Variants in DYNC1I1 observed in about 807,000 individuals in gnomAD.
The protein encoded by DYNC1I1 is cytoplasmic dynein 1 intermediate chain 1.
DYNC1I1 carries 43 observed loss-of-function variants against 86.6 expected under a neutral mutation model. The ratio of observed to expected loss-of-function variants is 0.50; its 90% CI spans 0.39 to 0.64. The LOEUF is 0.64. Ranked by LOEUF, DYNC1I1 falls within the 30% of genes least tolerant of loss-of-function variation. The probability of loss-of-function intolerance (pLI) is 0.00; values close to 1 mark genes in which losing one functional copy is unlikely to be tolerated. For synonymous variants in DYNC1I1, 262 were observed against 283.7 expected, an observed-to-expected ratio of 0.92 and a Z score of 0.77; for missense variants, 604 against 788.8, an observed-to-expected ratio of 0.77 and a Z score of 2.81.
chr7:96,012,240 G>T (rs1794293185), intron 10 of DYNC1I1, among the ~76,000 whole-genome samples: 1 of 152,142 alleles, frequency 6.6e-6, no homozygotes, highest in Non-Finnish European at 1.5e-5. Flanking sequence ...TTATTTTGAA[G>T]GAAGAGGGTA....
intron 5 of DYNC1I1, among the ~76,000 whole-genome samples, chr7:95,858,788 T>C (rs1789795015): frequency 6.6e-6 from 1 of 151,322 alleles, no homozygotes. Context: ...TTATCTTTTT[T>C]ACTCCTTCTT....
At chr7:95,931,650 G>A (rs1374161770) in intron 6 of DYNC1I1, among the ~76,000 whole-genome samples, 1 of 152,076 alleles carries the variant, frequency 6.6e-6, no homozygotes, top group Non-Finnish European at 1.5e-5. Context: ...ATAAAGTTTT[G>A]TTGAAACACA....
intron 6 of DYNC1I1, among the ~76,000 whole-genome samples, chr7:95,965,837 G>A (rs1792997888): frequency 6.6e-6 from 1 of 152,164 alleles, no homozygotes; most frequent in Non-Finnish European, 1.5e-5. Context: ...AAGAAAGTTT[G>A]TTGGCTTTTA....
intron 14 of DYNC1I1, among the ~76,000 whole-genome samples, chr7:96,043,680 A>G (rs966106466): frequency 1.3e-5 from 2 of 152,100 alleles, no homozygotes; most frequent in Admixed American, 6.6e-5. Flanking sequence ...TACTAACTGT[A>G]TATTTGATGA....
chr7:96,012,785 G>T (rs1794307089), intron 10 of DYNC1I1, among the ~76,000 whole-genome samples: 1 of 152,118 alleles, frequency 6.6e-6, no homozygotes, highest in African/African-American at 2.4e-5. Flanking sequence ...TAGAATAATG[G>T]CCACCCAAAG....
intron 6 of DYNC1I1, among the ~76,000 whole-genome samples, chr7:95,910,999 G>C (rs1584151608): frequency 6.6e-6 from 1 of 152,264 alleles, no homozygotes; most frequent in Non-Finnish European, 1.5e-5. Flanking sequence ...AGGTGAGAAA[G>C]GATAGCATGG....
intron 4 of DYNC1I1, among the ~76,000 whole-genome samples, chr7:95,816,073 A>G (rs1192885041): frequency 6.6e-6 from 1 of 151,620 alleles, no homozygotes; most frequent in Non-Finnish European, 1.5e-5. Flanking sequence ...GCTGGAGTAC[A>G]GTGGTGCAAT....
intron 6 of DYNC1I1, among the ~76,000 whole-genome samples, chr7:95,954,084 G>GT (rs1428608030): frequency 1.3e-5 from 2 of 152,058 alleles, no homozygotes; most frequent in African/African-American, 4.8e-5. Flanking sequence ...CAAGGCAGCA[G>GT]TAGGGCCGGG....
chr7:95,993,168 A>G (rs757707323), intron 9 of DYNC1I1, among the ~76,000 whole-genome samples: 2 of 152,216 alleles, frequency 1.3e-5, no homozygotes, highest in Non-Finnish European at 2.9e-5. Flanking sequence ...CAAACAGTGG[A>G]AAAAGACATA....
intron 6 of DYNC1I1, among the ~76,000 whole-genome samples, chr7:95,920,377 A>G (rs1286284669): frequency 6.6e-6 from 1 of 152,208 alleles, no homozygotes; most frequent in Non-Finnish European, 1.5e-5. Context: ...AGGAATGTCT[A>G]GTGGCACCTA....
chr7:95,875,057 G>T (rs952931924), intron 6 of DYNC1I1, among the ~76,000 whole-genome samples: 2 of 152,186 alleles, frequency 1.3e-5, no homozygotes, highest in Admixed American at 6.5e-5. Flanking sequence ...TTCCCTCAAG[G>T]GAGTCCATTA....
intron 6 of DYNC1I1, among the ~76,000 whole-genome samples, chr7:95,958,021 G>A (rs1367585918): frequency 1.3e-5 from 2 of 152,128 alleles, no homozygotes; most frequent in South Asian, 4.1e-4. Context: ...GGTATTTTGG[G>A]CTGGTTAAGC....
chr7:95,992,039 T>C (rs554094998), intron 9 of DYNC1I1, among the ~76,000 whole-genome samples: 1 of 152,078 alleles, frequency 6.6e-6, no homozygotes, highest in Non-Finnish European at 1.5e-5. Flanking sequence ...TTTGTATTTT[T>C]AGTAGAGACG....
intron 5 of DYNC1I1, among the ~76,000 whole-genome samples, chr7:95,853,859 G>A: frequency 6.6e-6 from 1 of 152,102 alleles, no homozygotes; most frequent in East Asian, 1.9e-4. Context: ...AAATGTTATG[G>A]ATATAACAAC....
chr7:95,871,324 TATTA>T (rs1163244727), intron 6 of DYNC1I1, among the ~76,000 whole-genome samples: 2 of 152,106 alleles, frequency 1.3e-5, no homozygotes, highest in African/African-American at 4.8e-5. Context: ...GAGACCTGTA[TATTA>T]ACGTGGCTGA....
Position 96,097,661 on chromosome 7 carries a change from C to T in DYNC1I1, c.*68C>T. 1.3e-6 allele frequency: 2 copies of T among 1,594,286 alleles called. No homozygotes were observed. Reference sequence around the variant, plus strand: ...TAGAGCTCAGCGTCTGCAGTCAAGTCTCTTGTATTCGGTGTCCATTCAGTA... The same window carrying T: ...TAGAGCTCAGCGTCTGCAGTCAAGTTTCTTGTATTCGGTGTCCATTCAGTA... On this transcript the variant is annotated 3_prime_UTR_variant, in exon 17 of 17. Transcript: ENST00000447467.
At chr7:95,846,606 A>G (rs951416950) in intron 5 of DYNC1I1, among the ~76,000 whole-genome samples, 1 of 136,612 alleles carries the variant, frequency 7.3e-6, no homozygotes, top group Non-Finnish European at 1.7e-5. Context: ...CATTCTGAAC[A>G]TAAATGATAA....
intron 5 of DYNC1I1, among the ~76,000 whole-genome samples, chr7:95,844,196 G>C (rs1789365349): frequency 6.6e-6 from 1 of 152,084 alleles, no homozygotes. Context: ...ATTAAACCTA[G>C]TACCTTATAG....
At chr7:95,884,035 A>C (rs1473612014) in intron 6 of DYNC1I1, among the ~76,000 whole-genome samples, 3 of 152,226 alleles carry the variant, frequency 2.0e-5, no homozygotes, top group African/African-American at 7.2e-5. Flanking sequence ...GAATAGACTC[A>C]AATTCTGGTT....
Sources: gnomAD v4.1 joint callset for allele counts (sites outside exome capture counted in the v4.1 genomes callset) on GRCh38, gnomAD v4.1.1 for gene constraint, MANE v1.5 for transcripts, NCBI Gene and HGNC (gene_info 2026-07-23, HGNC 2026-07-21) for gene names.